The following CCDC120 variants were observed in gnomAD, a reference collection of about 807,000 sequenced individuals.
CCDC120 encodes coiled-coil domain containing 120, also known as coiled-coil domain-containing protein 120.
Under a neutral mutation model 37.6 loss-of-function variants are expected in CCDC120, and 16 were observed. The ratio of observed to expected loss-of-function variants is 0.43; its 90% CI spans 0.29 to 0.65. The LOEUF is 0.65. CCDC120 is among the 30% of genes least tolerant of loss of function. The probability of loss-of-function intolerance (pLI) is 0.18; values close to 1 mark genes in which losing one functional copy is unlikely to be tolerated. For missense variants in CCDC120, 650 were observed against 657.4 expected (o/e 0.99, Z 0.12); for synonymous variants, 309 against 275.4 (o/e 1.12, Z -1.21).
chrX:49,064,480 C>G lies in CCDC120; in HGVS notation c.540C>G (p.Arg180=). 1.7e-6 allele frequency: 2 copies of G among 1,182,895 alleles called. No homozygotes were observed. The highest frequency in any genetic ancestry group is 1.1e-6 in the Non-Finnish European group (1 of 881,782). Residue 180 remains arginine (R), a synonymous_variant, in exon 6 of 11, where the codon CGC becomes CGG. Transcript: ENST00000603986. ...ATCTGAGCACCGAGCAGCGCCGGCG[C>G]CGGCGCCAGGTCCAGGCAGATGCAC... ...APDLSTEQRR[R]RRQVQADALR...
At chrX:49,065,324 T>G in intron 7 of CCDC120, 130 bp from the exon 8 acceptor site, 1 of 758,438 alleles carries the variant, frequency 1.3e-6, no homozygotes, top group Non-Finnish European at 1.9e-6. Flanking sequence ...CTTGTCAGCC[T>G]TAGTTCCTCC....
intron 6 of CCDC120, 31 bp downstream of exon 6, chrX:49,064,695 G>A: frequency 4.4e-6 from 5 of 1,142,268 alleles, no homozygotes; most frequent in Non-Finnish European, 2.3e-6. Context: ...GTGGGAGAGT[G>A]GACACTGGCA....
intron 6 of CCDC120, 89 bp downstream of exon 6, chrX:49,064,753 G>C: frequency 9.7e-7 from 1 of 1,026,806 alleles, no homozygotes; most frequent in Non-Finnish European, 1.3e-6. Flanking sequence ...TGAAAACCGG[G>C]AGGTAGGCAC....
At chrX:49,061,838 C>T (rs1386973375) in intron 1 of CCDC120, 121 bp from the exon 2 acceptor site, 23 of 725,992 alleles carry the variant, frequency 3.2e-5, no homozygotes, top group Non-Finnish European at 3.9e-5. Context: ...CGAATCTTTC[C>T]GGGTGGCTCT....
intron 1 of CCDC120, among the ~76,000 whole-genome samples, chrX:49,060,032 ATACTC>A (rs2147792138): frequency 8.9e-6 from 1 of 112,456 alleles, no homozygotes; most frequent in African/African-American, 3.2e-5. Context: ...CCCATGACTC[ATACTC>A]TAACTATGTC....
intron 1 of CCDC120, among the ~76,000 whole-genome samples, chrX:49,060,267 A>G (rs1052047755): frequency 1.8e-5 from 2 of 109,260 alleles, no homozygotes; most frequent in Admixed American, 2.0e-4. Context: ...TCTACTAAAA[A>G]TACAAAAGTA....
intron 9 of CCDC120, 85 bp downstream of exon 9, chrX:49,065,930 A>G (rs1254748713): frequency 1.1e-6 from 1 of 922,087 alleles, no homozygotes; most frequent in African/African-American, 2.0e-5. Flanking sequence ...AACATTATCA[A>G]AAGGTGGGAT....
rs2064949724 is a variant in CCDC120, at chrX:49,066,015, G to A, written c.1061+170G>A. Among the ~76,000 whole-genome samples, 9 of 111,991 alleles carry A rather than the reference G, an allele frequency of 8.0e-5. 1 individual carries two copies. The South Asian group carries it at 3.4e-3, about 42-fold the overall frequency. On this transcript the variant is annotated intron_variant, in intron 9 of 10. Coordinates refer to ENST00000603986, the MANE Select transcript of CCDC120 (RefSeq NM_001163321.4). ...AGGCGGGCGGGTTACTTGAGGTCAG[G>A]GGTTCAAGACCAGCCTGACCAACAT...
At chrX:49,056,400 G>A (rs1025486898), upstream of CCDC120, among the ~76,000 whole-genome samples, 11 of 110,164 alleles carry the variant, frequency 1.0e-4, no homozygotes, top group Admixed American at 1.9e-4. Context: ...AGGCTGAGGC[G>A]GGTGGATCAC....
At chrX:49,056,350 C>T (rs781974430), upstream of CCDC120, among the ~76,000 whole-genome samples, 16 of 110,324 alleles carry the variant, frequency 1.5e-4, no homozygotes, top group South Asian at 5.1e-3. Context: ...CATCTGAGGC[C>T]GGGCGCGGTG....
intron 5 of CCDC120, 94 bp downstream of exon 5, chrX:49,064,095 C>T (rs1351259383): frequency 1.2e-5 from 13 of 1,043,950 alleles, no homozygotes; most frequent in African/African-American, 1.9e-5. Context: ...GGCTTGTGGC[C>T]AGGTGAGGGA....
intron 4 of CCDC120, among the ~76,000 whole-genome samples, chrX:49,063,464 C>T (rs1274776842): frequency 8.9e-6 from 1 of 111,862 alleles, no homozygotes; most frequent in East Asian, 2.8e-4. Context: ...CCTGAACTGG[C>T]ACAGGCTGAT....
chrX:49,059,218 A>G (rs899120476), intron 1 of CCDC120, 123 bp downstream of exon 1: 69 of 283,816 alleles, frequency 2.4e-4, no homozygotes, highest in Non-Finnish European at 3.0e-4. Flanking sequence ...CACACCAACA[A>G]TGCAGGGCAG....
intron 10 of CCDC120, 145 bp downstream of exon 10, chrX:49,068,235 G>A: frequency 9.1e-7 from 1 of 1,095,698 alleles, no homozygotes; most frequent in Non-Finnish European, 1.2e-6. Context: ...TCACTCTACT[G>A]CACATGACCT....
In CCDC120 at chrX:49,062,616, C is replaced by T; in HGVS notation, c.288+15C>T. 8.3e-7 allele frequency: 1 copy of T among 1,202,432 alleles called. No individual in the cohort carries two copies. Among genetic ancestry groups the T allele is most frequent in the Non-Finnish European group, 1.1e-6 (1 of 891,600 alleles). ...TCCAGGAGGCGGTGAGGGCCTGGCC[C>T]TAGGGGTATCAGGCGGGGAGGTTGG... On this transcript the variant is annotated intron_variant, in intron 4 of 10. Transcript: ENST00000603986.
At chrX:49,061,894 TG>T in intron 1 of CCDC120, 64 bp from the exon 2 acceptor site, 5 of 1,033,035 alleles carry the variant, frequency 4.8e-6, no homozygotes, top group Non-Finnish European at 5.1e-6. Context: ...GGCACCCAGG[TG>T]TTGACTGCGT....
In CCDC120 at chrX:49,062,262, C is replaced by T. The variant is rs1184445120; in HGVS notation, c.91C>T (p.Leu31Phe). The T allele has an allele frequency of 1.7e-6, 2 of 1,209,128 alleles. No individual in the cohort carries two copies. Among genetic ancestry groups the T allele is most frequent in the Non-Finnish European group, 2.2e-6 (2 of 894,765 alleles). Residue 31 changes from leucine to phenylalanine, a missense_variant, in exon 3 of 11, where the codon CTC becomes TTC. Transcript: ENST00000603986. ...RTLSSHQPRP[L>F]DSTKMEVKGQ... is the part of the protein sequence containing the mutation. ...TTTGTCCAGCCATCAGCCACGGCCT[C>T]TCGACAGCACCAAGATGGAAGTCAA...
chrX:49,065,109 C>T lies in CCDC120; in HGVS notation c.787+11C>T. 8.3e-7 allele frequency: 1 copy of T among 1,209,074 alleles called. No homozygotes were observed. The highest frequency in any genetic ancestry group is 1.1e-6 in the Non-Finnish European group (1 of 893,065). ...CCAGCCATGACAACGGTGAGGACTCCTATCCCCCAAACCTGCCCCCGACTC... is the reference window on the plus strand; with the variant it reads ...CCAGCCATGACAACGGTGAGGACTCTTATCCCCCAAACCTGCCCCCGACTC... On this transcript the variant is annotated intron_variant, in intron 7 of 10. Transcript: ENST00000603986.
chrX:49,065,565 C>A lies in CCDC120; in HGVS notation c.899C>A (p.Pro300Gln). The A allele has an allele frequency of 8.3e-7, 1 of 1,211,199 alleles. No individual in the cohort carries two copies. Among genetic ancestry groups the A allele is most frequent in the South Asian group, 1.8e-5 (1 of 56,777 alleles). Reference protein sequence around the residue: ...GSPERRTPWKPPPSDLYGDLK... With the variant: ...GSPERRTPWKQPPSDLYGDLK... ...CCTGAGCGGCGAACCCCATGGAAAC[C>A]ACCTCCATCAGATCTTTATGGGGAT... Residue 300 changes from proline (P) to glutamine (Q), a missense_variant, in exon 8 of 11, where the codon CCA becomes CAA. By Grantham distance (76) the Pro-to-Gln change is moderately conservative. Coordinates refer to ENST00000603986, the MANE Select transcript of CCDC120 (RefSeq NM_001163321.4).
Sources: gnomAD v4.1 joint callset for allele counts (sites outside exome capture counted in the v4.1 genomes callset) on GRCh38, gnomAD v4.1.1 for gene constraint, MANE v1.5 for transcripts, NCBI Gene and HGNC (gene_info 2026-07-23, HGNC 2026-07-21) for gene names.